The following FBXW11 variants were observed in gnomAD, a reference collection of about 807,000 sequenced individuals.
The protein encoded by FBXW11 is F-box and WD repeat domain containing 11, also known as F-box/WD repeat-containing protein 11.
FBXW11 carries 19 observed loss-of-function variants against 77.6 expected under a neutral mutation model. The observed-to-expected ratio is 0.24, with a 90% confidence interval of 0.17 to 0.36. FBXW11 has a LOEUF of 0.36. Among genes scored for constraint, FBXW11 ranks in the 10% least tolerant of loss-of-function variants. The probability of loss-of-function intolerance (pLI) is 1.00; values close to 1 mark genes in which losing one functional copy is unlikely to be tolerated. For missense variants in FBXW11, 334 were observed against 704.2 expected (o/e 0.47, Z 5.95); for synonymous variants, 235 against 249.4 (o/e 0.94, Z 0.54).
intron 7 of FBXW11, among the ~76,000 whole-genome samples, chr5:171,878,886 A>G (rs1375740539): frequency 6.6e-6 from 1 of 152,150 alleles, no homozygotes; most frequent in Non-Finnish European, 1.5e-5. Flanking sequence ...GGTTTTACAA[A>G]TGCATACCCC....
chr5:171,947,006 A>G (rs1763048181), intron 2 of FBXW11, among the ~76,000 whole-genome samples: 1 of 151,736 alleles, frequency 6.6e-6, no homozygotes, highest in Non-Finnish European at 1.5e-5. Flanking sequence ...GTAGAGACAG[A>G]GTTCACCATG....
At chr5:171,968,265 G>C (rs2113398731) in intron 1 of FBXW11, among the ~76,000 whole-genome samples, 1 of 151,826 alleles carries the variant, frequency 6.6e-6, no homozygotes, top group East Asian at 1.9e-4. Context: ...GACCATCCCG[G>C]CTAACACGGT....
At chr5:171,998,120 TGA>T (rs1196432489) in intron 1 of FBXW11, among the ~76,000 whole-genome samples, 1 of 152,138 alleles carries the variant, frequency 6.6e-6, no homozygotes. Context: ...CCATGATTTC[TGA>T]GAGAGGAGAA....
At chr5:171,938,440 G>C (rs568571683) in intron 2 of FBXW11, among the ~76,000 whole-genome samples, 1 of 152,142 alleles carries the variant, frequency 6.6e-6, no homozygotes, top group African/African-American at 2.4e-5. Context: ...TTAAAGAGAT[G>C]CAAATTAAAG....
intron 9 of FBXW11, 54 bp from the exon 10 acceptor site, chr5:171,873,044 C>A: frequency 7.3e-7 from 1 of 1,376,128 alleles, no homozygotes; most frequent in Non-Finnish European, 1.0e-6. Flanking sequence ...AGTCCTCTCA[C>A]AATATACCTT....
intron 1 of FBXW11, among the ~76,000 whole-genome samples, chr5:172,002,362 T>G (rs574335699): frequency 1.3e-5 from 2 of 152,184 alleles, no homozygotes; most frequent in South Asian, 4.2e-4. Context: ...ATTGATATAT[T>G]TGAGCCAATG....
In FBXW11 at chr5:171,876,203, A is replaced by T. The variant is rs1581131184; in HGVS notation, c.1221+82T>A. 6.6e-7 allele frequency: 1 copy of T among 1,521,746 alleles called. No individual in the cohort carries two copies. Among genetic ancestry groups the T allele is most frequent in the Admixed American group, 1.7e-5 (1 of 58,338 alleles). The allele number at this position is 1,521,746 out of a possible 1,614,324, so 94.3% of individuals were successfully genotyped here. ...GAGAATAAAGATCTTGCCAGGTACC[A>T]GGTTGGTATAAGCCACCTCTGCTTT... On this transcript the variant is annotated intron_variant, in intron 9 of 13. Transcript: ENST00000517395. The surrounding 1 kb of genome is among the most constrained non-coding windows in gnomAD (Gnocchi z 4.2).
chr5:171,943,133 T>C (rs1253565566), intron 2 of FBXW11, among the ~76,000 whole-genome samples: 2 of 152,220 alleles, frequency 1.3e-5, no homozygotes, highest in Non-Finnish European at 2.9e-5. Context: ...TAAGTGACTG[T>C]TGGTTTTCTA....
chr5:171,917,376 T>C (rs187685408), intron 2 of FBXW11, among the ~76,000 whole-genome samples: 1 of 152,318 alleles, frequency 6.6e-6, no homozygotes, highest in East Asian at 1.9e-4. Context: ...GAAACAACTC[T>C]TCACAGTGAG....
intron 2 of FBXW11, among the ~76,000 whole-genome samples, chr5:171,916,996 C>A (rs1018554025): frequency 2.0e-5 from 3 of 152,196 alleles, no homozygotes; most frequent in Admixed American, 6.5e-5. Flanking sequence ...TCTCAAATCA[C>A]TGCAACTTCC....
At chr5:171,891,700 C>A (rs927673131) in intron 6 of FBXW11, 96 bp from the exon 7 acceptor site, 2 of 1,227,824 alleles carry the variant, frequency 1.6e-6, no homozygotes, top group South Asian at 1.6e-5. Context: ...AGCATACCAC[C>A]GATACCCCAA....
intron 7 of FBXW11, among the ~76,000 whole-genome samples, chr5:171,880,632 G>C (rs1463055087): frequency 6.6e-6 from 1 of 152,128 alleles, no homozygotes; most frequent in East Asian, 1.9e-4. Context: ...TCTTCACATA[G>C]ATCTTATAAA....
intron 1 of FBXW11, among the ~76,000 whole-genome samples, chr5:171,986,999 T>C (rs1188434811): frequency 6.6e-6 from 1 of 152,178 alleles, no homozygotes; most frequent in Non-Finnish European, 1.5e-5. Flanking sequence ...GCCCAGGCAT[T>C]AGATTCTCAC....
At chr5:171,963,696 A>G (rs1470094407) in intron 1 of FBXW11, among the ~76,000 whole-genome samples, 1 of 152,166 alleles carries the variant, frequency 6.6e-6, no homozygotes, top group African/African-American at 2.4e-5. Flanking sequence ...TGGACAGGGG[A>G]TGGAGGTTTT....
chr5:171,956,331 A>G (rs931246721), intron 2 of FBXW11, among the ~76,000 whole-genome samples: 4 of 152,316 alleles, frequency 2.6e-5, no homozygotes, highest in African/African-American at 9.6e-5. Context: ...AAGTAAACAT[A>G]TATTCATTAC....
At chr5:171,945,002 A>G (rs1455101846) in intron 2 of FBXW11, among the ~76,000 whole-genome samples, 2 of 152,234 alleles carry the variant, frequency 1.3e-5, no homozygotes, top group Non-Finnish European at 2.9e-5. Flanking sequence ...TTTTAGAAAC[A>G]GATGTGTTTA....
At chr5:171,893,759 G>C (rs1183825354) in intron 6 of FBXW11, among the ~76,000 whole-genome samples, 2 of 152,106 alleles carry the variant, frequency 1.3e-5, no homozygotes, top group East Asian at 3.8e-4. Context: ...CAGAATGTAT[G>C]ATGTCATATT....
intron 1 of FBXW11, among the ~76,000 whole-genome samples, chr5:171,977,220 G>A (rs560056411): frequency 1.4e-5 from 2 of 147,314 alleles, no homozygotes; most frequent in Non-Finnish European, 3.0e-5. Flanking sequence ...CGTGTGGATC[G>A]CTTGAACCCT....
At chr5:171,874,833 G>A (rs1003858903) in intron 9 of FBXW11, among the ~76,000 whole-genome samples, 1 of 150,728 alleles carries the variant, frequency 6.6e-6, no homozygotes, top group African/African-American at 2.5e-5. Flanking sequence ...TTAGGTGGGA[G>A]CCTCAGGAGT....
Sources: gnomAD v4.1 joint callset for allele counts (sites outside exome capture counted in the v4.1 genomes callset) on GRCh38, gnomAD v4.1.1 for gene constraint, Gnocchi (gnomAD v3.1) non-coding constraint, MANE v1.5 for transcripts, NCBI Gene and HGNC (gene_info 2026-07-23, HGNC 2026-07-21) for gene names.